Variants in TENM4 observed in about 807,000 individuals in gnomAD.
TENM4 encodes the protein teneurin-4.
A neutral mutation model predicts 243.3 loss-of-function variants in TENM4; 82 were observed. The ratio of observed to expected loss-of-function variants is 0.34; its 90% CI spans 0.28 to 0.40. The LOEUF (loss-of-function observed/expected upper bound fraction) is 0.40. Ranked by LOEUF, TENM4 falls within the 10% of genes least tolerant of loss-of-function variation. The pLI is 1.00. For synonymous variants in TENM4, 1,412 were observed against 1,456.3 expected, an observed-to-expected ratio of 0.97 and a Z score of 0.69; for missense variants, 3,138 against 3,673.3, an observed-to-expected ratio of 0.85 and a Z score of 3.77.
chr11:78,676,904 G>A (rs572340023), intron 29 of TENM4, among the ~76,000 whole-genome samples: 17 of 152,250 alleles, frequency 1.1e-4, no homozygotes, highest in African/African-American at 3.9e-4. Flanking sequence ...GCTACATATT[G>A]TCTGACTCCA....
At chr11:78,727,944 G>A (rs1340808459) in intron 22 of TENM4, among the ~76,000 whole-genome samples, 1 of 152,204 alleles carries the variant, frequency 6.6e-6, no homozygotes, top group Non-Finnish European at 1.5e-5. Context: ...TGGCAACGGG[G>A]GAATGGGCTG....
At chr11:79,047,699 G>A (rs77181843) in intron 6 of TENM4, among the ~76,000 whole-genome samples, 2 of 152,170 alleles carry the variant, frequency 1.3e-5, no homozygotes, top group South Asian at 2.1e-4. Flanking sequence ...GGAGGATGCA[G>A]GTTCGGAGTC....
chr11:79,256,007 C>A (rs774402649), intron 2 of TENM4, among the ~76,000 whole-genome samples: 40 of 152,164 alleles, frequency 2.6e-4, no homozygotes, highest in Non-Finnish European at 4.7e-4. Context: ...CAATGGAATT[C>A]TTTTCCCTTT....
At chr11:78,912,270 A>T (rs1254728641) in intron 6 of TENM4, among the ~76,000 whole-genome samples, 1 of 152,186 alleles carries the variant, frequency 6.6e-6, no homozygotes, top group East Asian at 1.9e-4. Context: ...CCCGACTTCC[A>T]GTGAGACAGA....
At chr11:79,433,173 G>C (rs1859203603) in intron 1 of TENM4, among the ~76,000 whole-genome samples, 1 of 152,188 alleles carries the variant, frequency 6.6e-6, no homozygotes, top group African/African-American at 2.4e-5. Context: ...CTGAAATAAA[G>C]TCAGAGCAGT....
chr11:78,992,521 CA>C (rs1315729493), intron 6 of TENM4, among the ~76,000 whole-genome samples: 1 of 152,202 alleles, frequency 6.6e-6, no homozygotes, highest in African/African-American at 2.4e-5. Context: ...CACGGGCACT[CA>C]GACTTGCCTT....
intron 27 of TENM4, among the ~76,000 whole-genome samples, chr11:78,705,911 G>C (rs1859236713): frequency 6.6e-6 from 1 of 152,182 alleles, no homozygotes; most frequent in Non-Finnish European, 1.5e-5. Flanking sequence ...CAATGTACAA[G>C]GAAGTTTTTT....
intron 6 of TENM4, among the ~76,000 whole-genome samples, chr11:78,939,726 A>G (rs562123498): frequency 6.6e-6 from 1 of 152,304 alleles, no homozygotes; most frequent in East Asian, 1.9e-4. Context: ...AAGCCCTTAG[A>G]ACAATCCATA....
chr11:78,744,895 G>A (rs989012704), intron 19 of TENM4, among the ~76,000 whole-genome samples: 3 of 152,230 alleles, frequency 2.0e-5, no homozygotes, highest in African/African-American at 7.2e-5. Flanking sequence ...TTAACTTTTT[G>A]TTCAGTCTTA....
chr11:79,133,568 A>G (rs1862052208), intron 4 of TENM4, among the ~76,000 whole-genome samples: 1 of 152,218 alleles, frequency 6.6e-6, no homozygotes. Flanking sequence ...CTATGGACCA[A>G]TAATCTTAAT....
Position 78,920,943 on chromosome 11 carries a change from G to A in TENM4, c.494-17420C>T, listed in dbSNP as rs534228608. Among the ~76,000 whole-genome samples the A allele has an allele frequency of 2.6e-5, 4 of 152,272 alleles. No individual in the cohort carries two copies. The East Asian group carries it at 7.7e-4, about 29-fold the overall frequency. ...CTCCTGTGTGCCGGGCTCTGTGCTAGGTACTTTAAATCTGGGCTTTCTGAT... is the reference window on the plus strand; with the variant it reads ...CTCCTGTGTGCCGGGCTCTGTGCTAAGTACTTTAAATCTGGGCTTTCTGAT... On this transcript the variant is annotated intron_variant, in intron 6 of 33. Transcript: ENST00000278550.
At chr11:79,260,271 G>C (rs920578615) in intron 2 of TENM4, among the ~76,000 whole-genome samples, 2 of 152,200 alleles carry the variant, frequency 1.3e-5, no homozygotes, top group African/African-American at 4.8e-5. Flanking sequence ...GAGGCACTGA[G>C]TGCTGACCCT....
chr11:79,354,147 G>A (rs78946113), intron 1 of TENM4, among the ~76,000 whole-genome samples: 2 of 152,196 alleles, frequency 1.3e-5, no homozygotes, highest in East Asian at 3.8e-4. Flanking sequence ...AAAAGTGAAA[G>A]CTACATAAAA....
chr11:78,867,771 A>G (rs1345582654), intron 9 of TENM4, among the ~76,000 whole-genome samples: 1 of 152,232 alleles, frequency 6.6e-6, no homozygotes, highest in Non-Finnish European at 1.5e-5. Context: ...AAATAGAGCT[A>G]TAGTGCTATA....
intron 2 of TENM4, among the ~76,000 whole-genome samples, chr11:79,263,411 A>T (rs1855831827): frequency 6.6e-6 from 1 of 152,242 alleles, no homozygotes; most frequent in Non-Finnish European, 1.5e-5. Context: ...CGAGGTCATT[A>T]TGTACAGCAC....
At chr11:79,358,906 AT>A (rs1857542813) in intron 1 of TENM4, among the ~76,000 whole-genome samples, 1 of 151,090 alleles carries the variant, frequency 6.6e-6, no homozygotes, top group African/African-American at 2.4e-5. Context: ...AAACACCTTT[AT>A]TTTTTATTAT....
chr11:79,379,421 C>T (rs146556867), intron 1 of TENM4, among the ~76,000 whole-genome samples: 66 of 152,198 alleles, frequency 4.3e-4, no homozygotes, highest in African/African-American at 1.3e-3. Context: ...ACTGTACTAG[C>T]GTAGAGTGGA....
chr11:79,421,583 AC>A (rs1858931788), intron 1 of TENM4, among the ~76,000 whole-genome samples: 1 of 152,162 alleles, frequency 6.6e-6, no homozygotes, highest in African/African-American at 2.4e-5. Context: ...CGGGGTTTTC[AC>A]ACAAGGTAGA....
In TENM4 at chr11:79,242,002, C is replaced by T. The variant is rs565256595; in HGVS notation, c.-264-26093G>A. On this transcript the variant is annotated intron_variant, in intron 2 of 33. Coordinates refer to ENST00000278550, the MANE Select transcript of TENM4 (RefSeq NM_001098816.3). The stretch of plus-strand genomic sequence containing the variant: ...GGCAGCCCAGCCATAAGGCAACCAG[C>T]CCGAATTTCATTTCTGATCCTTGCA... Among the ~76,000 whole-genome samples, 4 of 152,252 alleles carry T rather than the reference C, an allele frequency of 2.6e-5. No homozygotes were observed. In the South Asian group the frequency reaches 8.3e-4, roughly 32 times the overall value.
Sources: allele counts gnomAD v4.1 joint callset (sites outside exome capture counted in the v4.1 genomes callset), GRCh38; gene constraint gnomAD v4.1.1; transcripts MANE v1.5; gene names NCBI Gene and HGNC (gene_info 2026-07-23, HGNC 2026-07-21).